Variants in PPP2R2C observed in about 807,000 individuals in gnomAD.
The protein encoded by PPP2R2C is protein phosphatase 2, regulatory subunit B, gamma.
In PPP2R2C, 10 loss-of-function variants were observed where a neutral mutation model predicts 45.3. The observed-to-expected ratio is 0.22, with a 90% CI of 0.14 to 0.37. The LOEUF (loss-of-function observed/expected upper bound fraction) is 0.37. Among genes scored for constraint, PPP2R2C ranks in the 10% least tolerant of loss-of-function variants. PPP2R2C has a pLI of 1.00. For synonymous variants in PPP2R2C, 257 were observed against 245.4 expected (o/e 1.05, Z -0.44); for missense variants, 308 against 619.7 (o/e 0.50, Z 5.34).
chr4:6,376,059 T>C, intron 3 of PPP2R2C, 128 bp from the exon 4 acceptor site: 1 of 757,254 alleles, frequency 1.3e-6, no homozygotes, highest in Non-Finnish European at 2.2e-6. Context: ...AACAGACGGC[T>C]TTGGACCAGA....
chr4:6,435,621 A>G (rs1719853337), intron 1 of PPP2R2C, among the ~76,000 whole-genome samples: 1 of 152,320 alleles, frequency 6.6e-6, no homozygotes, highest in Admixed American at 6.5e-5. Flanking sequence ...TGAACCATCT[A>G]TTTATACAAG....
intron 1 of PPP2R2C, among the ~76,000 whole-genome samples, chr4:6,555,009 GA>G (rs1725340379): frequency 1.3e-5 from 2 of 151,006 alleles, no homozygotes; most frequent in South Asian, 2.1e-4. Context: ...GAAAAGAAAA[GA>G]AAAAGAAATT....
At chr4:6,460,246 G>T (rs1721255245) in intron 1 of PPP2R2C, among the ~76,000 whole-genome samples, 1 of 152,186 alleles carries the variant, frequency 6.6e-6, no homozygotes, top group Non-Finnish European at 1.5e-5. Flanking sequence ...GGTGACGAAG[G>T]TAAAATGCAG....
intron 2 of PPP2R2C, among the ~76,000 whole-genome samples, chr4:6,493,987 C>T (rs912595114): frequency 3.3e-5 from 5 of 152,214 alleles, no homozygotes; most frequent in South Asian, 2.1e-4. Context: ...ATTTGCCCCA[C>T]GCCTCGGCTA....
intron 1 of PPP2R2C, among the ~76,000 whole-genome samples, chr4:6,421,658 G>C (rs1718976587): frequency 6.6e-6 from 1 of 152,096 alleles, no homozygotes; most frequent in African/African-American, 2.4e-5. Flanking sequence ...AGGGGGCTGA[G>C]AATGACGAGG....
chr4:6,554,844 A>G (rs1430827717), intron 1 of PPP2R2C, among the ~76,000 whole-genome samples: 21 of 145,944 alleles, frequency 1.4e-4, no homozygotes, highest in Non-Finnish European at 2.9e-4. Flanking sequence ...TGGGTGACAG[A>G]GTGAGACTCC....
rs147899570 is a variant in PPP2R2C, at chr4:6,543,343, C to A, written c.-58-7966G>T. Among the ~76,000 whole-genome samples the A allele has an allele frequency of 1.5e-3, 235 of 152,292 alleles. 3 individuals are homozygous for A. The East Asian group carries it at 0.042, about 27-fold the overall frequency. On this transcript the variant is annotated intron_variant, in intron 1 of 9. Coordinates refer to the PPP2R2C transcript ENST00000506140. ...GACACCCCACACACTGAATTCCACC[C>A]AGCTCAGCCTCTGCCTCCTATGGGC...
At chr4:6,529,766 G>A (rs1266588195) in intron 2 of PPP2R2C, among the ~76,000 whole-genome samples, 1 of 151,344 alleles carries the variant, frequency 6.6e-6, no homozygotes, top group Non-Finnish European at 1.5e-5. Flanking sequence ...ACTGACCCAG[G>A]GCTGGGTACA....
At chr4:6,382,146 T>TA in intron 1 of PPP2R2C, 1 of 1,222,576 alleles carries the variant, frequency 8.2e-7, no homozygotes, top group Non-Finnish European at 1.0e-6. Context: ...AGATTTCCTA[T>TA]AAAAATCCAC....
Position 6,324,547 on chromosome 4 carries a change from G to A in PPP2R2C, c.1053-954C>T, listed in dbSNP as rs988443170. Reference sequence around the variant, plus strand: ...ACCACAGCAGGAGGTAGACATGGAAGCAGCTGGGACAGAAAACCACCAGGC... The same window carrying A: ...ACCACAGCAGGAGGTAGACATGGAAACAGCTGGGACAGAAAACCACCAGGC... On this transcript the variant is annotated intron_variant, in intron 8 of 8. Transcript: ENST00000382599. The surrounding 1 kb of genome is among the most constrained non-coding windows in gnomAD (Gnocchi z 4.1). 1.3e-5 allele frequency among the ~76,000 whole-genome samples: 2 copies of A among 152,252 alleles called. No homozygotes were observed. The highest frequency in any genetic ancestry group is 6.5e-5 in the Admixed American group (1 of 15,290).
At chr4:6,488,615 T>G (rs931340601) in intron 2 of PPP2R2C, among the ~76,000 whole-genome samples, 1 of 152,012 alleles carries the variant, frequency 6.6e-6, no homozygotes, top group Non-Finnish European at 1.5e-5. Context: ...ACTTGGGAGA[T>G]CAAGGCTGCT....
intron 1 of PPP2R2C, among the ~76,000 whole-genome samples, chr4:6,422,018 C>G (rs987669639): frequency 1.3e-5 from 2 of 151,916 alleles, no homozygotes; most frequent in Admixed American, 6.6e-5. Flanking sequence ...GAATCATGCC[C>G]CTGAGACGCT....
intron 1 of PPP2R2C, among the ~76,000 whole-genome samples, chr4:6,425,089 C>G (rs890364980): frequency 6.6e-6 from 1 of 152,190 alleles, no homozygotes; most frequent in African/African-American, 2.4e-5. Context: ...TACTCCTATT[C>G]CCATTCATAT....
At chr4:6,422,660 G>A (rs945082699) in intron 1 of PPP2R2C, among the ~76,000 whole-genome samples, 1 of 152,146 alleles carries the variant, frequency 6.6e-6, no homozygotes, top group South Asian at 2.1e-4. Context: ...TTGTCCTTCT[G>A]TGTGTGTCTC....
At chr4:6,549,625 T>C (rs1385651901) in intron 1 of PPP2R2C, among the ~76,000 whole-genome samples, 1 of 152,164 alleles carries the variant, frequency 6.6e-6, no homozygotes, top group African/African-American at 2.4e-5. Flanking sequence ...TTTGCAGCCC[T>C]GAGAGCAGTG....
At chr4:6,521,746 C>G (rs1285632284) in intron 2 of PPP2R2C, among the ~76,000 whole-genome samples, 2 of 152,214 alleles carry the variant, frequency 1.3e-5, no homozygotes, top group Non-Finnish European at 2.9e-5. Flanking sequence ...CCTTGCCACA[C>G]ACTGCATCTG....
intron 1 of PPP2R2C, among the ~76,000 whole-genome samples, chr4:6,454,460 C>T (rs1251182432): frequency 6.6e-6 from 1 of 152,106 alleles, no homozygotes; most frequent in East Asian, 1.9e-4. Flanking sequence ...CGAAGGAGTC[C>T]AACTGCCCTG....
At chr4:6,448,761 G>A (rs1167924288) in intron 1 of PPP2R2C, among the ~76,000 whole-genome samples, 2 of 152,174 alleles carry the variant, frequency 1.3e-5, no homozygotes, top group Non-Finnish European at 2.9e-5. Context: ...ACCTGTGCCT[G>A]GCTGTCCTCC....
intron 1 of PPP2R2C, among the ~76,000 whole-genome samples, chr4:6,410,837 CCT>C (rs1399243552): frequency 1.7e-4 from 24 of 142,040 alleles, no homozygotes; most frequent in Admixed American, 4.6e-4. Context: ...TACTATTCCC[CCT>C]GTTTTATTTA....
Sources: gnomAD v4.1 joint callset for allele counts (sites outside exome capture counted in the v4.1 genomes callset) on GRCh38, gnomAD v4.1.1 for gene constraint, Gnocchi (gnomAD v3.1) non-coding constraint, MANE v1.5 for transcripts, NCBI Gene and HGNC (gene_info 2026-07-23, HGNC 2026-07-21) for gene names.